The following FAM98B variants were observed in gnomAD, a reference collection of about 807,000 sequenced individuals.
FAM98B encodes tRNA-splicing ligase complex subunit FAM98B.
A neutral mutation model predicts 43.9 loss-of-function variants in FAM98B; 32 were observed. That is an observed-to-expected ratio of 0.73 (90% CI 0.55 to 0.98). FAM98B has a LOEUF of 0.98. Among genes scored for constraint, FAM98B ranks in the 50% least tolerant of loss-of-function variants. The pLI, the probability that FAM98B is intolerant of heterozygous loss-of-function variation, is 0.00. For synonymous variants in FAM98B, 190 were observed against 174.0 expected (o/e 1.09, Z -0.72); for missense variants, 514 against 522.9 (o/e 0.98, Z 0.17).
intron 3 of FAM98B, 115 bp downstream of exon 3, chr15:38,465,518 T>C: frequency 1.1e-6 from 1 of 943,600 alleles, no homozygotes; most frequent in Non-Finnish European, 1.5e-6. Context: ...TTTTAATATT[T>C]TACTTAAAAT....
intron 1 of FAM98B, among the ~76,000 whole-genome samples, chr15:38,462,037 A>G (rs1174697517): frequency 2.0e-5 from 3 of 152,200 alleles, no homozygotes; most frequent in African/African-American, 7.2e-5. Context: ...TGCCGATTAA[A>G]TAAAATATGG....
At chr15:38,473,072 T>C in intron 4 of FAM98B, among the ~76,000 whole-genome samples, 1 of 152,114 alleles carries the variant, frequency 6.6e-6, no homozygotes, top group Non-Finnish European at 1.5e-5. Flanking sequence ...TGCTGAACAA[T>C]GAAACAAGAG....
At chr15:38,480,818 CTT>C (rs1451427189) in intron 6 of FAM98B, among the ~76,000 whole-genome samples, 2 of 151,974 alleles carry the variant, frequency 1.3e-5, no homozygotes, top group South Asian at 4.2e-4. Flanking sequence ...CTGGATTTAA[CTT>C]TAGATTTTTT....
Position 38,485,097 on chromosome 15 carries a change from TGTTTTGTGG to T in FAM98B, c.*444_*452del, listed in dbSNP as rs1231493632. ...TGCCTCACCTGTATTGCTGTGGATG[TGTTTTGTGG>T]GTTTTTCATTCGATTTTACAAAATA... On this transcript the variant is annotated 3_prime_UTR_variant, in exon 8 of 8. Coordinates refer to ENST00000397609, the MANE Select transcript of FAM98B (RefSeq NM_173611.4). The T allele has an allele frequency of 1.3e-5, 2 of 152,828 alleles. No homozygotes were observed. The highest frequency in any genetic ancestry group is 2.9e-5 in the Non-Finnish European group (2 of 68,524). The allele number at this position is 152,828 out of a possible 1,614,324, so 9.5% of individuals were successfully genotyped here.
chr15:38,456,194 T>G (rs1021590771), intron 1 of FAM98B, among the ~76,000 whole-genome samples: 9 of 152,244 alleles, frequency 5.9e-5, no homozygotes, highest in African/African-American at 2.2e-4. Flanking sequence ...GTCAGTCAGT[T>G]TTCTCATCTG....
Position 38,465,275 on chromosome 15 carries a change from A to G in FAM98B, c.224A>G (p.Asp75Gly), listed in dbSNP as rs771093185. ...TGATTTTTCTTTTTTAAAGGAAGAG[A>G]TGATCTAGAGAGCTTCCAGCTTGAG... ...LEESITSAGR[D>G]DLESFQLEIS... Residue 75 changes from aspartate to glycine, a missense_variant, in exon 3 of 8, where the codon GAT (aspartate) becomes GGT (glycine). By Grantham distance (94) the Asp-to-Gly change is moderately conservative. Around this residue, in one of 2 missense-constraint regions of FAM98B, gnomAD observed 469 missense variants for 451.8 expected, o/e 1.04. Coordinates refer to ENST00000397609, the MANE Select transcript of FAM98B (RefSeq NM_173611.4). 1.2e-6 allele frequency: 2 copies of G among 1,605,256 alleles called. No individual in the cohort carries two copies. Among genetic ancestry groups the G allele is most frequent in the South Asian group, 2.2e-5 (2 of 88,918 alleles).
intron 1 of FAM98B, among the ~76,000 whole-genome samples, chr15:38,454,732 A>G (rs1795298826): frequency 6.6e-6 from 1 of 152,104 alleles, no homozygotes; most frequent in South Asian, 2.1e-4. Flanking sequence ...TCTTTCAACC[A>G]TTTCGTCCGT....
At chr15:38,467,928 GGAACAAACGCACACA>G (rs1257966946) in intron 3 of FAM98B, among the ~76,000 whole-genome samples, 2 of 152,094 alleles carry the variant, frequency 1.3e-5, no homozygotes, top group Admixed American at 1.3e-4. Flanking sequence ...TTGTATAAAA[GGAACAAACGCACACA>G]GATGGCTACT....
At chr15:38,465,943 T>C (rs1196894343) in intron 3 of FAM98B, among the ~76,000 whole-genome samples, 1 of 152,180 alleles carries the variant, frequency 6.6e-6, no homozygotes, top group African/African-American at 2.4e-5. Context: ...ATTCAAACAA[T>C]TACCATAAAT....
intron 6 of FAM98B, among the ~76,000 whole-genome samples, chr15:38,475,958 T>C (rs1207533621): frequency 6.6e-6 from 1 of 152,224 alleles, no homozygotes; most frequent in East Asian, 1.9e-4. Context: ...TTGCATCCAC[T>C]TACTGCAGTT....
intron 3 of FAM98B, among the ~76,000 whole-genome samples, chr15:38,466,378 A>G (rs1258217997): frequency 6.6e-6 from 1 of 152,060 alleles, no homozygotes; most frequent in Non-Finnish European, 1.5e-5. Context: ...TTGGGAGATC[A>G]CAGTAACTCT....
At chr15:38,478,403 T>A (rs74244640) in intron 6 of FAM98B, among the ~76,000 whole-genome samples, 1 of 152,198 alleles carries the variant, frequency 6.6e-6, no homozygotes. Context: ...TTCAATTGAT[T>A]ATATGATTAT....
In FAM98B at chr15:38,454,204, G is replaced by T; in HGVS notation, c.43G>T (p.Asp15Tyr). The change falls in exon 1 of 8, where the codon GAC becomes TAC. Residue 15 changes from aspartate (D) to tyrosine (Y), a missense_variant. Coordinates refer to ENST00000397609, the MANE Select transcript of FAM98B (RefSeq NM_173611.4). ...EPGPQPTMEG[D>Y]VLDTLEALGY... is the part of the protein sequence containing the mutation. The stretch of plus-strand genomic sequence containing the variant: ...GGGTCCCCAACCGACGATGGAGGGA[G>T]ACGTGCTGGACACACTGGAGGCGCT... 1 of 1,604,202 alleles carries T rather than the reference G, an allele frequency of 6.2e-7. No individual in the cohort carries two copies. Among genetic ancestry groups the T allele is most frequent in the Non-Finnish European group, 8.5e-7 (1 of 1,176,608 alleles).
chr15:38,456,380 G>A (rs915554373), intron 1 of FAM98B, among the ~76,000 whole-genome samples: 8 of 152,194 alleles, frequency 5.3e-5, no homozygotes, highest in African/African-American at 1.9e-4. Context: ...ATCTTCAGAG[G>A]TACAGTACAG....
At chr15:38,458,478 A>G (rs1014922359) in intron 1 of FAM98B, among the ~76,000 whole-genome samples, 4 of 152,138 alleles carry the variant, frequency 2.6e-5, no homozygotes, top group Admixed American at 1.3e-4. Context: ...CTGAAACGCT[A>G]TATGCTGGGG....
intron 1 of FAM98B, chr15:38,458,818 C>G: frequency 2.1e-6 from 1 of 477,664 alleles, no homozygotes; most frequent in Non-Finnish European, 4.2e-6. Flanking sequence ...AGACTGGGAA[C>G]AGGTTCAGCA....
At chr15:38,468,774 C>T (rs922845617) in intron 3 of FAM98B, among the ~76,000 whole-genome samples, 1 of 152,158 alleles carries the variant, frequency 6.6e-6, no homozygotes, top group Non-Finnish European at 1.5e-5. Flanking sequence ...TTCAGAATCT[C>T]AGAGGATGGG....
chr15:38,469,166 A>G (rs541592708), intron 3 of FAM98B, among the ~76,000 whole-genome samples: 1 of 152,148 alleles, frequency 6.6e-6, no homozygotes, highest in African/African-American at 2.4e-5. Flanking sequence ...TCAGCTTCCC[A>G]AAGTGCTGGG....
rs116373386 is a variant in FAM98B, at chr15:38,479,695, G to A, written c.730-1597G>A. On this transcript the variant is annotated intron_variant, in intron 6 of 7. Transcript: ENST00000397609. ...TATTAACAATACCAGGCATGTTTCT[G>A]TGTTTAATTTTTATATATAAATTTC... is the stretch of plus-strand genomic sequence containing the variant. 2.4e-3 allele frequency among the ~76,000 whole-genome samples: 360 copies of A among 151,956 alleles called. 1 individual carries two copies. The highest frequency in any genetic ancestry group is 8.0e-3 in the African/African-American group (330 of 41,458).
Sources: allele counts gnomAD v4.1 joint callset (sites outside exome capture counted in the v4.1 genomes callset), GRCh38; gene constraint gnomAD v4.1.1; regional missense constraint gnomAD v4.1.1; transcripts MANE v1.5; gene names NCBI Gene and HGNC (gene_info 2026-07-23, HGNC 2026-07-21).